The following NRG2 variants were observed in gnomAD, a reference collection of about 807,000 sequenced individuals.
NRG2 encodes the protein pro-neuregulin-2, membrane-bound isoform.
Under a neutral mutation model 73.9 loss-of-function variants are expected in NRG2, and 27 were observed. The ratio of observed to expected loss-of-function variants is 0.37; its 90% confidence interval spans 0.27 to 0.50. The LOEUF is 0.50. NRG2 is among the 20% of genes least tolerant of loss of function. The pLI, the probability that NRG2 is intolerant of heterozygous loss-of-function variation, is 0.96. For synonymous variants in NRG2, 532 were observed against 541.0 expected, an observed-to-expected ratio of 0.98 and a Z score of 0.23; for missense variants, 1,126 against 1,210.1, an observed-to-expected ratio of 0.93 and a Z score of 1.03.
chr5:139,948,866 G>C lies in NRG2; in HGVS notation c.701-61355C>G, dbSNP rs1561701586. On this transcript the variant is annotated intron_variant, in intron 1 of 9. Coordinates refer to ENST00000361474, the MANE Select transcript of NRG2 (RefSeq NM_004883.3). Reference sequence around the variant, plus strand: ...AAGTGTTTAGGAGGTACAATGTATAGGACTTGATTTCAGATTGGACATGAG... The same window carrying C: ...AAGTGTTTAGGAGGTACAATGTATACGACTTGATTTCAGATTGGACATGAG... 2.0e-5 allele frequency among the ~76,000 whole-genome samples: 3 copies of C among 152,262 alleles called. No individual in the cohort carries two copies. In the South Asian group the frequency reaches 6.2e-4, roughly 32 times the overall value.
intron 1 of NRG2, among the ~76,000 whole-genome samples, chr5:139,969,218 A>C (rs940973414): frequency 2.6e-5 from 4 of 152,274 alleles, no homozygotes; most frequent in African/African-American, 9.6e-5. Flanking sequence ...GCTTTTAATA[A>C]CTTGTTATGA....
At chr5:139,987,855 A>T (rs1254673511) in intron 1 of NRG2, among the ~76,000 whole-genome samples, 1 of 150,348 alleles carries the variant, frequency 6.7e-6, no homozygotes, top group South Asian at 2.1e-4. Context: ...GCTCACTGCA[A>T]GCTCCACCTC....
intron 1 of NRG2, among the ~76,000 whole-genome samples, chr5:139,938,961 AAAG>A (rs200909626): frequency 0.023 from 3,219 of 137,396 alleles, 65 homozygotes; most frequent in Middle Eastern, 0.048. Flanking sequence ...AAGAAAGAAA[AAAG>A]AAGGAAGGAA....
intron 1 of NRG2, among the ~76,000 whole-genome samples, chr5:139,953,500 C>G (rs1252875648): frequency 6.6e-6 from 1 of 152,178 alleles, no homozygotes; most frequent in Non-Finnish European, 1.5e-5. Flanking sequence ...TCCCACCGCT[C>G]TCATCCTGAG....
intron 1 of NRG2, among the ~76,000 whole-genome samples, chr5:139,945,103 A>G (rs1753710513): frequency 6.6e-6 from 1 of 151,796 alleles, no homozygotes; most frequent in South Asian, 2.1e-4. Flanking sequence ...ATCGAACTGT[A>G]TGTTTTCCTG....
At chr5:139,861,447 CG>C (rs1762138484) in intron 5 of NRG2, among the ~76,000 whole-genome samples, 1 of 152,174 alleles carries the variant, frequency 6.6e-6, no homozygotes, top group South Asian at 2.1e-4. Flanking sequence ...AGCATGGCTC[CG>C]AGCCAGGGAC....
intron 1 of NRG2, among the ~76,000 whole-genome samples, chr5:140,001,150 T>A (rs1217371489): frequency 6.6e-6 from 1 of 152,198 alleles, no homozygotes; most frequent in Non-Finnish European, 1.5e-5. Context: ...CCCATCGGTA[T>A]CCATACCATT....
intron 1 of NRG2, among the ~76,000 whole-genome samples, chr5:140,041,064 A>C (rs1581007093): frequency 6.6e-6 from 1 of 152,176 alleles, no homozygotes; most frequent in African/African-American, 2.4e-5. Flanking sequence ...AAAGCTTCCA[A>C]AAATCATAGG....
At chr5:140,015,518 T>C (rs1480828508) in intron 1 of NRG2, among the ~76,000 whole-genome samples, 1 of 152,172 alleles carries the variant, frequency 6.6e-6, no homozygotes, top group Non-Finnish European at 1.5e-5. Context: ...GGAGATTCCA[T>C]AAGTGTTGGT....
chr5:139,955,114 G>T lies in NRG2; in HGVS notation c.701-67603C>A, dbSNP rs1235617155. 2.6e-5 allele frequency among the ~76,000 whole-genome samples: 4 copies of T among 152,160 alleles called. No individual in the cohort carries two copies. The East Asian group carries it at 7.7e-4, about 29-fold the overall frequency. On this transcript the variant is annotated intron_variant, in intron 1 of 9. Coordinates refer to ENST00000361474, the MANE Select transcript of NRG2 (RefSeq NM_004883.3). ...ATGGAGAATGAGAGGGTTATCCCCG[G>T]CCCTTGAAGAGCTTACAGTCTTGAG...
At chr5:139,892,701 A>T (rs978684065) in intron 1 of NRG2, among the ~76,000 whole-genome samples, 3 of 152,152 alleles carry the variant, frequency 2.0e-5, no homozygotes, top group African/African-American at 7.2e-5. Context: ...AACCAAGCAG[A>T]GGAACAGGCT....
rs949613998 is a variant in NRG2 at position 139,992,981 on chromosome 5, CT to C, written c.700+49388del. Among the ~76,000 whole-genome samples, 50 of 146,746 alleles carry C rather than the reference CT, an allele frequency of 3.4e-4. 1 individual carries two copies. The highest frequency in any genetic ancestry group is 5.9e-4 in the East Asian group (3 of 5,056). On this transcript the variant is annotated intron_variant, in intron 1 of 9. Coordinates refer to ENST00000361474, the MANE Select transcript of NRG2 (RefSeq NM_004883.3). ...CGATCTATATAGGTTGTTCCTCCAT[CT>C]TTTTTTTTTTCTTCTTGCAATCCAT...
In NRG2 at chr5:139,938,892, GAAAGAAAGAAAGAAAA is replaced by G. The variant is rs1561693768; in HGVS notation, c.701-51397_701-51382del. 3.8e-4 allele frequency among the ~76,000 whole-genome samples: 28 copies of G among 73,702 alleles called. No homozygotes were observed. In the South Asian group the frequency reaches 4.7e-3, roughly 12 times the overall value. The allele number at this position is 73,702 out of a possible 152,430, so 48.4% of individuals were successfully genotyped here. A position where few individuals can be genotyped will look rare whatever the true frequency, so the allele number is the denominator to read the frequency against. ...AGAGAGAGAGAGAGAAGGAAAGAAA[GAAAGAAAGAAAGAAAA>G]GAAAGAAAGAAAGAAAGAAAGAAAG... On this transcript the variant is annotated intron_variant, in intron 1 of 9. Transcript: ENST00000361474.
At chr5:140,033,720 T>C (rs751070838) in intron 1 of NRG2, among the ~76,000 whole-genome samples, 2 of 152,242 alleles carry the variant, frequency 1.3e-5, no homozygotes, top group African/African-American at 2.4e-5. Context: ...TGTTTCCTCT[T>C]GCCTCCCCCT....
intron 5 of NRG2, among the ~76,000 whole-genome samples, chr5:139,857,178 C>T (rs1351479080): frequency 6.6e-6 from 1 of 152,206 alleles, no homozygotes; most frequent in Non-Finnish European, 1.5e-5. Context: ...ATTGGCTGAC[C>T]TGTCTCTGTC....
At chr5:139,857,589 C>T (rs927422780) in intron 5 of NRG2, among the ~76,000 whole-genome samples, 3 of 152,018 alleles carry the variant, frequency 2.0e-5, no homozygotes, top group Non-Finnish European at 4.4e-5. Context: ...TCTGTGATCC[C>T]TTTCTGCTTG....
chr5:139,951,263 A>T (rs1186193189), intron 1 of NRG2, among the ~76,000 whole-genome samples: 1 of 152,212 alleles, frequency 6.6e-6, no homozygotes, highest in Non-Finnish European at 1.5e-5. Flanking sequence ...AGGCAGAAAG[A>T]TACAGAGCAG....
intron 1 of NRG2, among the ~76,000 whole-genome samples, chr5:139,906,197 G>A (rs931237796): frequency 1.3e-5 from 2 of 151,946 alleles, no homozygotes; most frequent in Non-Finnish European, 2.9e-5. Flanking sequence ...TAGTAGAGAC[G>A]GTGTTTCACC....
At chr5:139,906,792 C>T (rs73791231) in intron 1 of NRG2, among the ~76,000 whole-genome samples, 1,531 of 152,276 alleles carry the variant, frequency 0.01, 21 homozygotes, top group African/African-American at 0.035. Flanking sequence ...CACAGCTTGA[C>T]AGAGGGAACA....
Sources: allele counts gnomAD v4.1 joint callset (sites outside exome capture counted in the v4.1 genomes callset), GRCh38; gene constraint gnomAD v4.1.1; transcripts MANE v1.5; gene names NCBI Gene and HGNC (gene_info 2026-07-23, HGNC 2026-07-21).